The following NTRK3 variants were observed in gnomAD, a reference collection of about 807,000 sequenced individuals.
The protein encoded by NTRK3 is neurotrophic receptor tyrosine kinase 3, also known as NT-3 growth factor receptor.
In NTRK3, 24 loss-of-function variants were observed where a neutral mutation model predicts 91.7. The observed-to-expected ratio is 0.26, with a 90% CI of 0.19 to 0.37. NTRK3 has a LOEUF of 0.37. Ranked by LOEUF, NTRK3 falls within the 10% of genes least tolerant of loss-of-function variation. NTRK3 has a pLI of 1.00. For synonymous variants in NTRK3, 483 were observed against 404.0 expected (o/e 1.20, Z -2.34); for missense variants, 880 against 1,068.9 (o/e 0.82, Z 2.46).
intron 4 of NTRK3, 34 bp from the exon 5 acceptor site, chr15:88,183,523 C>G (rs1198858383): frequency 3.7e-6 from 6 of 1,600,324 alleles, no homozygotes; most frequent in Non-Finnish European, 5.1e-6. Flanking sequence ...CAGCAGAGCT[C>G]AAGTGGCAGA....
chr15:88,040,971 G>A (rs945592460), intron 13 of NTRK3, among the ~76,000 whole-genome samples: 1 of 152,198 alleles, frequency 6.6e-6, no homozygotes, highest in African/African-American at 2.4e-5. Context: ...AGGAAGTGGT[G>A]GAACCTGTAT....
chr15:88,023,614 A>G (rs1316756104), intron 14 of NTRK3, among the ~76,000 whole-genome samples: 1 of 152,102 alleles, frequency 6.6e-6, no homozygotes, highest in East Asian at 1.9e-4. Flanking sequence ...AAAAGAGGGG[A>G]CCCATCAGAA....
At chr15:87,972,431 C>A (rs1485639803) in intron 14 of NTRK3, among the ~76,000 whole-genome samples, 1 of 152,212 alleles carries the variant, frequency 6.6e-6, no homozygotes, top group Non-Finnish European at 1.5e-5. Context: ...TCACTCCTTG[C>A]TCTGCAAACC....
At chr15:88,219,824 T>A (rs1244498809) in intron 3 of NTRK3, among the ~76,000 whole-genome samples, 1 of 152,230 alleles carries the variant, frequency 6.6e-6, no homozygotes, top group Non-Finnish European at 1.5e-5. Context: ...GCCCATGCTC[T>A]CTGCACCCCT....
chr15:87,925,631 C>T, intron 17 of NTRK3: 1 of 206,130 alleles, frequency 4.9e-6, no homozygotes, highest in South Asian at 1.9e-4. Context: ...TCTGACAAAT[C>T]AGAGCATTCC....
At chr15:87,968,345 C>CAAT (rs2072965857) in intron 14 of NTRK3, among the ~76,000 whole-genome samples, 3 of 152,262 alleles carry the variant, frequency 2.0e-5, no homozygotes, top group East Asian at 3.9e-4. Context: ...TGCCCTAGAG[C>CAAT]AATGGTGCTA....
intron 14 of NTRK3, among the ~76,000 whole-genome samples, chr15:88,000,427 C>A (rs977545102): frequency 6.6e-6 from 1 of 152,124 alleles, no homozygotes; most frequent in Non-Finnish European, 1.5e-5. Flanking sequence ...ATTCACAAAA[C>A]ATAAAATTCA....
At chr15:87,912,803 G>A (rs1279255293) in intron 17 of NTRK3, among the ~76,000 whole-genome samples, 1 of 151,660 alleles carries the variant, frequency 6.6e-6, no homozygotes, top group Non-Finnish European at 1.5e-5. Context: ...AAACAGTTGG[G>A]TGGAGTAATA....
rs1218619722 is a variant in NTRK3 at position 87,977,710 on chromosome 15, C to A, written c.1586-36957G>T. On this transcript the variant is annotated intron_variant, in intron 14 of 18. Coordinates refer to ENST00000394480, the Ensembl canonical transcript of NTRK3. ...CACACACCTGGAGCCCTGGAGAGAA[C>A]CTGAACTCCCAGGTGATACTCTGGA... 20 of 231,452 alleles carry A rather than the reference C, an allele frequency of 8.6e-5. No individual in the cohort carries two copies. The East Asian group carries it at 1.2e-3, about 14-fold the overall frequency. The allele number at this position is 231,452 out of a possible 1,614,324, so 14.3% of individuals were successfully genotyped here. A position where few individuals can be genotyped will look rare whatever the true frequency, so the allele number is the denominator to read the frequency against.
rs964403649 is a variant in NTRK3, at chr15:87,968,648, C to A, written c.1586-27895G>T. 4.6e-5 allele frequency among the ~76,000 whole-genome samples: 7 copies of A among 152,142 alleles called. No individual in the cohort carries two copies. In the East Asian group the frequency reaches 1.3e-3, roughly 29 times the overall value. On this transcript the variant is annotated intron_variant, in intron 14 of 18. Transcript: ENST00000394480. ...ATGATCTAATTTGCAGTTTGACTAA[C>A]CTCACCTCACCACCCCTAAACTGAC... is the stretch of plus-strand genomic sequence containing the variant.
At chr15:87,966,750 G>T (rs1010640775) in intron 14 of NTRK3, among the ~76,000 whole-genome samples, 7 of 152,146 alleles carry the variant, frequency 4.6e-5, no homozygotes, top group African/African-American at 1.7e-4. Context: ...GAAGGGAGGT[G>T]GGGTGCAGGC....
At chr15:88,164,095 C>G (rs1288555404) in intron 5 of NTRK3, among the ~76,000 whole-genome samples, 1 of 152,134 alleles carries the variant, frequency 6.6e-6, no homozygotes, top group Non-Finnish European at 1.5e-5. Flanking sequence ...AAGGCAGCTC[C>G]CCATAGAAAT....
chr15:87,893,799 G>A (rs1376688786), intron 17 of NTRK3, among the ~76,000 whole-genome samples: 7 of 152,142 alleles, frequency 4.6e-5, no homozygotes, highest in Non-Finnish European at 7.3e-5. Context: ...TAAAGAAACC[G>A]AGACCCAGCA....
At chr15:87,911,990 A>G (rs753288083) in intron 17 of NTRK3, among the ~76,000 whole-genome samples, 1 of 152,216 alleles carries the variant, frequency 6.6e-6, no homozygotes, top group Non-Finnish European at 1.5e-5. Flanking sequence ...AACACATTTC[A>G]AGGCAATAGG....
At chr15:88,157,900 C>T (rs2044068073) in intron 5 of NTRK3, among the ~76,000 whole-genome samples, 4 of 152,198 alleles carry the variant, frequency 2.6e-5, no homozygotes, top group Admixed American at 6.5e-5. Flanking sequence ...GTTCCTGATA[C>T]TCAAACCAGG....
intron 6 of NTRK3, among the ~76,000 whole-genome samples, chr15:88,146,871 A>G (rs912331501): frequency 6.6e-6 from 1 of 152,162 alleles, no homozygotes; most frequent in African/African-American, 2.4e-5. Context: ...ATCTTAGTTG[A>G]GTCTCACGTG....
At chr15:87,994,840 A>T (rs1197104388) in intron 14 of NTRK3, among the ~76,000 whole-genome samples, 2 of 152,210 alleles carry the variant, frequency 1.3e-5, no homozygotes, top group Non-Finnish European at 2.9e-5. Flanking sequence ...ATCAAGTGAC[A>T]GTGCTAGAAC....
At chr15:88,011,527 A>C (rs982369397) in intron 14 of NTRK3, among the ~76,000 whole-genome samples, 2 of 152,126 alleles carry the variant, frequency 1.3e-5, no homozygotes, top group Admixed American at 6.5e-5. Flanking sequence ...GTAATCTGAT[A>C]TTTTCTGGCA....
At chr15:88,149,101 G>T (rs111423967) in intron 5 of NTRK3, among the ~76,000 whole-genome samples, 3 of 152,300 alleles carry the variant, frequency 2.0e-5, no homozygotes, top group African/African-American at 4.8e-5. Context: ...CATGGGAGAG[G>T]TTGGGGCTGG....
Sources: gnomAD v4.1 joint callset for allele counts (sites outside exome capture counted in the v4.1 genomes callset) on GRCh38, gnomAD v4.1.1 for gene constraint, MANE v1.5 for transcripts, NCBI Gene and HGNC (gene_info 2026-07-23, HGNC 2026-07-21) for gene names.